Variants in MMP25 observed in about 807,000 individuals in gnomAD.
The protein encoded by MMP25 is matrix metalloproteinase-25.
In MMP25, 68 loss-of-function variants were observed where a neutral mutation model predicts 62.1. The observed-to-expected ratio is 1.10, with a 90% CI of 0.90 to 1.34. MMP25 has a LOEUF of 1.34. Ranked by LOEUF, MMP25 falls within the 40% of genes most tolerant of loss-of-function variation. The pLI, the probability that MMP25 is intolerant of heterozygous loss-of-function variation, is 0.00. For missense variants in MMP25, 942 were observed against 792.5 expected (o/e 1.19, Z -2.26); for synonymous variants, 407 against 345.6 (o/e 1.18, Z -1.97).
chr16:3,060,142 CCT>C lies in MMP25; in HGVS notation c.*1045_*1046del, dbSNP rs1956088988. On this transcript the variant is annotated 3_prime_UTR_variant, in exon 10 of 10. Transcript: ENST00000336577. ...TGGAACCTGGGGGCACCTCGTTCAC[CCT>C]GTCCCCACTCCCCACAGTTTTAGGA... is the stretch of plus-strand genomic sequence containing the variant. 6.6e-6 allele frequency: 1 copy of C among 152,268 alleles called. No homozygotes were observed. Among genetic ancestry groups the C allele is most frequent in the Non-Finnish European group, 1.5e-5 (1 of 68,166 alleles). The allele number at this position is 152,268 out of a possible 1,614,324, so 9.4% of individuals were successfully genotyped here.
chr16:3,050,148 G>T lies in MMP25; in HGVS notation c.368+4G>T, dbSNP rs2151153746. 1 of 1,601,402 alleles carries T rather than the reference G, an allele frequency of 6.2e-7. No homozygotes were observed. The highest frequency in any genetic ancestry group is 8.5e-7 in the Non-Finnish European group (1 of 1,170,718). ...AGAAGCGAACCCTGACATGGAGGTA[G>T]GTCCTGGGGCCCACCCGCACCCTGG... On this transcript the variant is annotated splice_donor_region_variant and intron_variant, in intron 3 of 9. Transcript: ENST00000336577.
intron 5 of MMP25, 39 bp downstream of exon 5, chr16:3,057,248 C>A: frequency 6.2e-7 from 1 of 1,613,942 alleles, no homozygotes; most frequent in African/African-American, 1.3e-5. Context: ...CATCATTGCC[C>A]CATCCAGTGT....
chr16:3,058,075 C>A, intron 7 of MMP25, 106 bp from the exon 8 acceptor site: 1 of 1,359,440 alleles, frequency 7.4e-7, no homozygotes, highest in Non-Finnish European at 1.0e-6. Flanking sequence ...AGATCCATTG[C>A]GCCCTTGATT....
Position 3,058,950 on chromosome 16 carries a change from G to T in MMP25, c.1541G>T (p.Gly514Val). 6.4e-7 allele frequency: 1 copy of T among 1,550,560 alleles called. No homozygotes were observed. The highest frequency in any genetic ancestry group is 8.7e-7 in the Non-Finnish European group (1 of 1,147,140). ...NWLDCPAPSS[G>V]PRAPRPPKAT... is the part of the protein sequence containing the mutation. ...CTGGACTGCCCCGCCCCGAGCTCTG[G>T]TCCCCGCGCCCCCAGGCCCCCCAAA... is the stretch of plus-strand genomic sequence containing the variant. The change falls in exon 10 of 10, where the codon GGT (glycine) becomes GTT (valine). Residue 514 changes from glycine to valine, a missense_variant. By Grantham distance (109) the Gly-to-Val change is moderately radical (BLOSUM62 -3). Coordinates refer to ENST00000336577, the MANE Select transcript of MMP25 (RefSeq NM_022468.5).
In MMP25 at chr16:3,046,861, G is replaced by A; in HGVS notation, c.-57G>A. On this transcript the variant is annotated 5_prime_UTR_variant, in exon 1 of 10. Transcript: ENST00000336577. ...CGGATCTCCTCCCCCAGGTCCCCGGGGCGGCCCCAGCCAGGCCCCCTTCGA... is the reference window on the plus strand; with the variant it reads ...CGGATCTCCTCCCCCAGGTCCCCGGAGCGGCCCCAGCCAGGCCCCCTTCGA... 9.7e-7 allele frequency: 1 copy of A among 1,027,774 alleles called. No homozygotes were observed. The allele number at this position is 1,027,774 out of a possible 1,614,324, so 63.7% of individuals were successfully genotyped here.
chr16:3,058,895 GACGC>G lies in MMP25; in HGVS notation c.1487_1490del (p.Asp496AlafsTer63). The G allele has an allele frequency of 6.4e-7, 1 of 1,555,760 alleles. No homozygotes were observed. The highest frequency in any genetic ancestry group is 8.7e-7 in the Non-Finnish European group (1 of 1,149,574). On this transcript the variant is annotated frameshift_variant, in exon 10 of 10. Coordinates refer to ENST00000336577, the MANE Select transcript of MMP25 (RefSeq NM_022468.5). LOFTEE classifies it high-confidence loss of function. ...CAAGAACAGCATCAAGACCGAGCCGGACGCCCCCCAGCCCATGGGGCCCAACTGG... is the reference window on the plus strand; with the variant it reads ...CAAGAACAGCATCAAGACCGAGCCGGCCCCCAGCCCATGGGGCCCAACTGG...
At chr16:3,058,105 C>T in intron 7 of MMP25, 76 bp from the exon 8 acceptor site, 1 of 1,549,402 alleles carries the variant, frequency 6.5e-7, no homozygotes, top group South Asian at 1.2e-5. Context: ...GACCCCTCCC[C>T]ACCCAGCCAC....
rs114980030 is a variant in MMP25, at chr16:3,058,090, G to A, written c.1007-91G>A. ...AGATCCATTGCGCCCTTGATTTCCA[G>A]ATGGGACCCCTCCCCACCCAGCCAC... is the stretch of plus-strand genomic sequence containing the variant. On this transcript the variant is annotated intron_variant, in intron 7 of 9. Transcript: ENST00000336577. 65 of 1,489,818 alleles carry A rather than the reference G, an allele frequency of 4.4e-5. No homozygotes were observed. The African/African-American group carries it at 8.4e-4, about 19-fold the overall frequency. The allele number at this position is 1,489,818 out of a possible 1,614,324, so 92.3% of individuals were successfully genotyped here.
Position 3,057,042 on chromosome 16 carries a change from G to A in MMP25, c.671G>A (p.Gly224Glu), listed in dbSNP as rs1444156559. ...TWTFGSKDGE[G>E]TDLFAVAVHE... Reference sequence around the variant, plus strand: ...CCACTTTCTCCTGCAGACGGCGAGGGGACCGACCTGTTTGCCGTGGCTGTC... The same window carrying A: ...CCACTTTCTCCTGCAGACGGCGAGGAGACCGACCTGTTTGCCGTGGCTGTC... Residue 224 changes from glycine (G) to glutamate (E), a missense_variant, in exon 5 of 10, where the codon GGG becomes GAG. Coordinates refer to ENST00000336577, the MANE Select transcript of MMP25 (RefSeq NM_022468.5). The A allele has an allele frequency of 1.9e-6, 3 of 1,582,646 alleles. No homozygotes were observed. The highest frequency in any genetic ancestry group is 1.8e-5 in the Admixed American group (1 of 56,076).
chr16:3,047,005 A>G lies in MMP25; in HGVS notation c.88A>G (p.Ser30Gly). The change falls in exon 1 of 10, where the codon AGC becomes GGC. Residue 30 changes from serine (S) to glycine (G), a missense_variant. Coordinates refer to ENST00000336577, the MANE Select transcript of MMP25 (RefSeq NM_022468.5). ...RAPKPSAQDV[S>G]LGVDWLTRYG... Reference sequence around the variant, plus strand: ...CCCGAAGCCCTCGGCGCAGGACGTGAGCCTGGGCGTGGTGAGCGCGGGGTC... The same window carrying G: ...CCCGAAGCCCTCGGCGCAGGACGTGGGCCTGGGCGTGGTGAGCGCGGGGTC... 6.9e-7 allele frequency: 1 copy of G among 1,458,868 alleles called. No individual in the cohort carries two copies. Among genetic ancestry groups the G allele is most frequent in the Non-Finnish European group, 9.0e-7 (1 of 1,112,742 alleles). 90.4% of individuals were successfully genotyped at this position (1,458,868 alleles called of 1,614,324 possible). A position where few individuals can be genotyped will look rare whatever the true frequency, so the allele number is the denominator to read the frequency against.
Position 3,058,310 on chromosome 16 carries a change from A to G in MMP25, c.1136A>G (p.Asp379Gly). The G allele has an allele frequency of 1.9e-6, 3 of 1,600,756 alleles. No homozygotes were observed. The Admixed American group carries it at 5.1e-5, about 27-fold the overall frequency. The change falls in exon 8 of 10, where the codon GAC becomes GGC. Residue 379 changes from aspartate to glycine, a missense_variant. Physicochemically the swap from Asp to Gly is moderately conservative, Grantham distance 94 (BLOSUM62 -1). Transcript: ENST00000336577. ...CAGGCCGCCTATGCTCGGCACCGAG[A>G]CGGCCGAATCCTCCTCTTTAGCGGT... is the stretch of plus-strand genomic sequence containing the variant. ...VVQAAYARHR[D>G]GRILLFSGPQ...
At position 3,059,986 on chromosome 16, in the gene MMP25, T is replaced by G. The variant is rs1001336864; in HGVS notation, c.*888T>G. 6.6e-6 allele frequency: 1 copy of G among 152,338 alleles called. No homozygotes were observed. The highest frequency in any genetic ancestry group is 1.9e-4 in the East Asian group (1 of 5,148). 9.4% of individuals were successfully genotyped at this position (152,338 alleles called of 1,614,324 possible). Reference sequence around the variant, plus strand: ...AAGAACCCCTTCCCTGCTTGCACCCTGGAGAGAACAGCTTGACTCCCATCA... The same window carrying G: ...AAGAACCCCTTCCCTGCTTGCACCCGGGAGAGAACAGCTTGACTCCCATCA... On this transcript the variant is annotated 3_prime_UTR_variant, in exon 10 of 10. Transcript: ENST00000336577.
intron 2 of MMP25, 104 bp from the exon 3 acceptor site, chr16:3,049,905 C>G: frequency 3.9e-6 from 6 of 1,533,424 alleles, no homozygotes; most frequent in Non-Finnish European, 5.3e-6. Flanking sequence ...ATTTCTTGAG[C>G]CCTCTGAGCC....
intron 7 of MMP25, 47 bp from the exon 8 acceptor site, chr16:3,058,134 C>T: frequency 1.3e-6 from 2 of 1,597,314 alleles, no homozygotes; most frequent in South Asian, 2.2e-5. Context: ...GGGGAGGAGA[C>T]CTCCTGCTGT....
chr16:3,050,511 T>C lies in MMP25; in HGVS notation c.626T>C (p.Phe209Ser). ...GEHPISGDTHFDDEETWTFGS... is the reference protein window; with the variant it reads ...GEHPISGDTHSDDEETWTFGS... ...CACCCCATCTCCGGGGACACTCACT[T>C]TGACGATGAGGAGACCTGGACTTTT... is the stretch of plus-strand genomic sequence containing the variant. Residue 209 changes from phenylalanine to serine, a missense_variant, in exon 4 of 10, where the codon TTT becomes TCT. Transcript: ENST00000336577. 6.3e-7 allele frequency: 1 copy of C among 1,582,576 alleles called. No homozygotes were observed. The highest frequency in any genetic ancestry group is 1.1e-5 in the South Asian group (1 of 87,894).
chr16:3,046,756 C>T lies in MMP25; in HGVS notation c.-162C>T, dbSNP rs1486667586. On this transcript the variant is annotated 5_prime_UTR_variant, in exon 1 of 10. Transcript: ENST00000336577. ...CTCCGCTGACTCCACCGCGCACTTC[C>T]CGGGACCCCCACACACATCCCAGCC... 2 of 441,332 alleles carry T rather than the reference C, an allele frequency of 4.5e-6. No homozygotes were observed. Among genetic ancestry groups the T allele is most frequent in the Non-Finnish European group, 7.9e-6 (2 of 252,688 alleles). 27.3% of individuals were successfully genotyped at this position (441,332 alleles called of 1,614,324 possible).
chr16:3,055,365 T>C (rs1955988274), intron 4 of MMP25, among the ~76,000 whole-genome samples: 1 of 152,070 alleles, frequency 6.6e-6, no homozygotes, highest in Non-Finnish European at 1.5e-5. Context: ...ATCGCCCTGA[T>C]TGAAACACCA....
intron 5 of MMP25, 34 bp from the exon 6 acceptor site, chr16:3,057,275 AG>A: frequency 6.2e-7 from 1 of 1,614,020 alleles, no homozygotes; most frequent in Non-Finnish European, 8.5e-7. Flanking sequence ...CAGCAGGGCC[AG>A]GGGACGCACA....
chr16:3,058,095 G>C, intron 7 of MMP25, 86 bp from the exon 8 acceptor site: 1 of 1,508,170 alleles, frequency 6.6e-7, no homozygotes, highest in Non-Finnish European at 9.0e-7. Flanking sequence ...TTCCAGATGG[G>C]ACCCCTCCCC....
Sources: allele counts gnomAD v4.1 joint callset (sites outside exome capture counted in the v4.1 genomes callset), GRCh38; gene constraint gnomAD v4.1.1; transcripts MANE v1.5; gene names NCBI Gene and HGNC (gene_info 2026-07-23, HGNC 2026-07-21).